The following LOC128092252 variants were observed in gnomAD, a reference collection of about 807,000 sequenced individuals.
the LOC128092252 span, among the ~76,000 whole-genome samples, chr15:50,685,922 C>T: frequency 6.6e-6 from 1 of 152,138 alleles, no homozygotes; most frequent in African/African-American, 2.4e-5. Context: ...CACCAAAATC[C>T]TTAATTCTTG....
At chr15:50,661,339 G>A in the LOC128092252 span, among the ~76,000 whole-genome samples, 1 of 152,076 alleles carries the variant, frequency 6.6e-6, no homozygotes, top group African/African-American at 2.4e-5. Context: ...CATATAGACT[G>A]AATGTAGCAC....
At chr15:50,674,925 A>G in the LOC128092252 span, among the ~76,000 whole-genome samples, 1 of 152,200 alleles carries the variant, frequency 6.6e-6, no homozygotes, top group African/African-American at 2.4e-5. Context: ...TCTCATTGGC[A>G]AATCCACCCA....
chr15:50,670,816 A>G, the LOC128092252 span, among the ~76,000 whole-genome samples: 11 of 151,786 alleles, frequency 7.2e-5, no homozygotes, highest in African/African-American at 1.9e-4. Flanking sequence ...AAAAGAAAAA[A>G]AAAAAAAAAG....
At chr15:50,676,524 G>T in the LOC128092252 span, among the ~76,000 whole-genome samples, 2 of 151,880 alleles carry the variant, frequency 1.3e-5, no homozygotes, top group African/African-American at 2.4e-5. Flanking sequence ...TTTGAGACCA[G>T]CCTGGTCAAC....
chr15:50,657,539 G>T, the LOC128092252 span, among the ~76,000 whole-genome samples: 1 of 151,944 alleles, frequency 6.6e-6, no homozygotes, highest in African/African-American at 2.4e-5. Context: ...CACTGCTCTC[G>T]CTGCCTAAAA....
the LOC128092252 span, among the ~76,000 whole-genome samples, chr15:50,656,011 A>T: frequency 2.4e-5 from 1 of 41,582 alleles, no homozygotes; most frequent in Non-Finnish European, 7.5e-5. Flanking sequence ...GAAAAAAACA[A>T]AAAAAAAAAA....
the LOC128092252 span, among the ~76,000 whole-genome samples, chr15:50,654,487 G>A: frequency 2.7e-5 from 4 of 150,794 alleles, no homozygotes; most frequent in Non-Finnish European, 5.9e-5. Context: ...AAAGATGAAG[G>A]AAAAAAAGCA....
chr15:50,649,020 T>C, the LOC128092252 span: 1 of 565,306 alleles, frequency 1.8e-6, no homozygotes, highest in African/African-American at 1.9e-5. Context: ...AATAAGCTTT[T>C]TGATTTTAGG....
At chr15:50,678,239 C>CAAAAAAAAAAAAA in the LOC128092252 span, among the ~76,000 whole-genome samples, 30 of 92,080 alleles carry the variant, frequency 3.3e-4, 7 homozygotes, top group Admixed American at 1.7e-3. Flanking sequence ...GACTCTCTCT[C>CAAAAAAAAAAAAA]AAAAAAAAAA....
the LOC128092252 span, among the ~76,000 whole-genome samples, chr15:50,679,177 A>T: frequency 7.4e-6 from 1 of 135,174 alleles, no homozygotes; most frequent in South Asian, 2.3e-4. Flanking sequence ...CAGTCAAAAA[A>T]ATTTTTTAAT....
the LOC128092252 span, chr15:50,657,811 G>T: frequency 5.6e-6 from 9 of 1,610,962 alleles, no homozygotes; most frequent in Non-Finnish European, 6.8e-6. Flanking sequence ...TTGACATCCT[G>T]GAAGGCATCT....
At chr15:50,658,541 C>T in the LOC128092252 span, among the ~76,000 whole-genome samples, 1 of 149,768 alleles carries the variant, frequency 6.7e-6, no homozygotes, top group African/African-American at 2.5e-5. Flanking sequence ...CACTGCACTC[C>T]AGCCTGGGCG....
chr15:50,680,700 A>T, the LOC128092252 span, among the ~76,000 whole-genome samples: 3 of 152,140 alleles, frequency 2.0e-5, no homozygotes, highest in African/African-American at 7.2e-5. Context: ...AGTACAGCAA[A>T]CTTTTTAAGT....
the LOC128092252 span, among the ~76,000 whole-genome samples, chr15:50,679,528 A>T: frequency 2.1e-5 from 1 of 47,382 alleles, no homozygotes; most frequent in South Asian, 6.4e-4. Context: ...ATATATATAT[A>T]TATATATATA....
the LOC128092252 span, among the ~76,000 whole-genome samples, chr15:50,674,640 T>C: frequency 6.6e-6 from 1 of 152,222 alleles, no homozygotes; most frequent in Admixed American, 6.5e-5. Context: ...AGTTTCATAC[T>C]TTTCATATTC....
At chr15:50,673,033 G>C in the LOC128092252 span, among the ~76,000 whole-genome samples, 1 of 150,694 alleles carries the variant, frequency 6.6e-6, no homozygotes, top group Non-Finnish European at 1.5e-5. Context: ...TTACAAATCT[G>C]TTAAATTAAA....
chr15:50,661,471 GTTT>G, the LOC128092252 span, among the ~76,000 whole-genome samples: 1 of 152,090 alleles, frequency 6.6e-6, no homozygotes, highest in African/African-American at 2.4e-5. Context: ...TTTCTCAAAA[GTTT>G]TTTAAATGTA....
chr15:50,649,848 TACA>T, the LOC128092252 span, among the ~76,000 whole-genome samples: 1 of 152,028 alleles, frequency 6.6e-6, no homozygotes, highest in Non-Finnish European at 1.5e-5. Context: ...AGGAGGGAGC[TACA>T]ACGAGAAAGT....
chr15:50,655,126 A>G, the LOC128092252 span, among the ~76,000 whole-genome samples: 10 of 125,950 alleles, frequency 7.9e-5, no homozygotes, highest in African/African-American at 1.1e-4. Context: ...TAAAGAAAAA[A>G]AAGTTAATTA....
Sources: allele counts gnomAD v4.1 joint callset (sites outside exome capture counted in the v4.1 genomes callset), GRCh38; gene constraint gnomAD v4.1.1; transcripts MANE v1.5.